Variants in VPS13D observed in about 807,000 individuals in gnomAD.
VPS13D encodes the protein vacuolar protein sorting 13 homolog D.
A neutral mutation model predicts 461.9 loss-of-function variants in VPS13D; 187 were observed. The observed-to-expected ratio is 0.40, with a 90% confidence interval of 0.36 to 0.46. The LOEUF (loss-of-function observed/expected upper bound fraction) is 0.46, where lower values mean the gene tolerates loss of function less well. Among genes scored for constraint, VPS13D ranks in the 20% least tolerant of loss-of-function variants. The pLI is 0.60. For missense variants in VPS13D, 4,711 were observed against 5,364.9 expected, an observed-to-expected ratio of 0.88 and a Z score of 3.81; for synonymous variants, 1,951 against 1,986.3, an observed-to-expected ratio of 0.98 and a Z score of 0.47.
At chr1:12,383,436 G>C (rs746864025) in intron 58 of VPS13D, among the ~76,000 whole-genome samples, 8 of 151,980 alleles carry the variant, frequency 5.3e-5, no homozygotes, top group Admixed American at 2.6e-4. Context: ...CATATTAATA[G>C]TGTTGTTAAT....
At chr1:12,249,385 A>G (rs1640662981) in intron 6 of VPS13D, 46 bp downstream of exon 6, 1 of 1,505,478 alleles carries the variant, frequency 6.6e-7, no homozygotes, top group African/African-American at 1.4e-5. Context: ...GCCATGCTCT[A>G]GGAATCTGGG....
intron 60 of VPS13D, among the ~76,000 whole-genome samples, chr1:12,390,414 A>G (rs957626109): frequency 6.6e-6 from 1 of 152,206 alleles, no homozygotes; most frequent in African/African-American, 2.4e-5. Context: ...GAACATGGTA[A>G]GACCAGTGAA....
At position 12,304,487 on chromosome 1, in the gene VPS13D, T is replaced by A; in HGVS notation, c.6217-19T>A. The A allele has an allele frequency of 6.2e-7, 1 of 1,601,092 alleles. No homozygotes were observed. Among genetic ancestry groups the A allele is most frequent in the Non-Finnish European group, 8.5e-7 (1 of 1,173,422 alleles). ...CCTTCCCATTTCCTGCATTCTAGTT[T>A]TATTTTGTTCCTTCCCAGGAATCTG... On this transcript the variant is annotated intron_variant, in intron 25 of 69. Transcript: ENST00000620676.
chr1:12,344,358 A>G (rs1371750616), intron 42 of VPS13D, among the ~76,000 whole-genome samples: 5 of 152,140 alleles, frequency 3.3e-5, no homozygotes, highest in African/African-American at 7.2e-5. Flanking sequence ...ACCCACACAC[A>G]TTATTCCCAA....
intron 60 of VPS13D, among the ~76,000 whole-genome samples, chr1:12,389,619 T>C (rs1644396604): frequency 6.6e-6 from 1 of 152,178 alleles, no homozygotes; most frequent in African/African-American, 2.4e-5. Context: ...GAAATACTCA[T>C]GACAATTGCA....
At chr1:12,445,045 T>C (rs977395804) in intron 65 of VPS13D, among the ~76,000 whole-genome samples, 2 of 152,204 alleles carry the variant, frequency 1.3e-5, no homozygotes, top group Non-Finnish European at 2.9e-5. Context: ...AGCCTGATGC[T>C]TAAAGGGAAG....
chr1:12,398,290 A>G (rs1174486838), intron 60 of VPS13D, among the ~76,000 whole-genome samples: 1 of 152,148 alleles, frequency 6.6e-6, no homozygotes, highest in African/African-American at 2.4e-5. Flanking sequence ...GGTGCCAGAA[A>G]TCTCTGCATT....
At chr1:12,349,598 A>G (rs149213391) in intron 46 of VPS13D, among the ~76,000 whole-genome samples, 1 of 152,330 alleles carries the variant, frequency 6.6e-6, no homozygotes, top group East Asian at 1.9e-4. Flanking sequence ...GCCAACACAC[A>G]TGCTATTTAC....
At chr1:12,435,280 CAA>C (rs779024605) in intron 65 of VPS13D, among the ~76,000 whole-genome samples, 3 of 125,722 alleles carry the variant, frequency 2.4e-5, no homozygotes, top group East Asian at 2.2e-4. Flanking sequence ...GCAACATGAC[CAA>C]AAAAAAAAAA....
chr1:12,388,168 A>C (rs966582836), intron 60 of VPS13D, among the ~76,000 whole-genome samples: 1 of 152,244 alleles, frequency 6.6e-6, no homozygotes, highest in Admixed American at 6.5e-5. Flanking sequence ...AATCTTATAC[A>C]TGATGTGGTA....
intron 36 of VPS13D, among the ~76,000 whole-genome samples, chr1:12,328,632 C>G (rs963059278): frequency 1.3e-5 from 2 of 152,150 alleles, no homozygotes; most frequent in Non-Finnish European, 2.9e-5. Context: ...TCTCTGCCTC[C>G]TGGGTTCAAG....
At chr1:12,230,473 G>A (rs1393903067) in intron 1 of VPS13D, among the ~76,000 whole-genome samples, 1 of 152,096 alleles carries the variant, frequency 6.6e-6, no homozygotes, top group African/African-American at 2.4e-5. Flanking sequence ...CACACTTTCC[G>A]GGGTCCCAGC....
At chr1:12,341,950 G>A in intron 41 of VPS13D, 65 bp downstream of exon 41, 1 of 1,474,744 alleles carries the variant, frequency 6.8e-7, no homozygotes, top group Non-Finnish European at 9.4e-7. Flanking sequence ...TGCCAGCCCA[G>A]TAGAGCAAGG....
chr1:12,333,432 T>G, intron 38 of VPS13D, 66 bp downstream of exon 38: 1 of 1,579,332 alleles, frequency 6.3e-7, no homozygotes, highest in Non-Finnish European at 8.6e-7. Flanking sequence ...TCTGGAAGAC[T>G]ATTAATCCTG....
chr1:12,503,603 T>G (rs192090362), intron 68 of VPS13D, among the ~76,000 whole-genome samples: 4 of 152,340 alleles, frequency 2.6e-5, no homozygotes, highest in African/African-American at 9.6e-5. Flanking sequence ...TGAGGTGACT[T>G]CTCTAGGTCT....
intron 67 of VPS13D, among the ~76,000 whole-genome samples, chr1:12,487,925 A>G (rs1437178536): frequency 1.3e-5 from 2 of 152,220 alleles, no homozygotes; most frequent in Non-Finnish European, 2.9e-5. Context: ...ATTAATTTCA[A>G]TTATGAGAAT....
chr1:12,376,148 T>C (rs1644195597), intron 55 of VPS13D, among the ~76,000 whole-genome samples: 1 of 152,238 alleles, frequency 6.6e-6, no homozygotes, highest in South Asian at 2.1e-4. Flanking sequence ...TTTCTGGTGC[T>C]GTGCAGAGAT....
chr1:12,235,152 C>T (rs1389771964), intron 2 of VPS13D, among the ~76,000 whole-genome samples: 1 of 152,186 alleles, frequency 6.6e-6, no homozygotes, highest in Non-Finnish European at 1.5e-5. Context: ...AAGGAGACTT[C>T]AAATACAGTG....
At chr1:12,267,495 C>T (rs1392987610) in intron 14 of VPS13D, among the ~76,000 whole-genome samples, 1 of 151,986 alleles carries the variant, frequency 6.6e-6, no homozygotes, top group Non-Finnish European at 1.5e-5. Flanking sequence ...GTAGTTAACC[C>T]CTTATTCTGT....
Sources: gnomAD v4.1 joint callset for allele counts (sites outside exome capture counted in the v4.1 genomes callset) on GRCh38, gnomAD v4.1.1 for gene constraint, MANE v1.5 for transcripts, NCBI Gene and HGNC (gene_info 2026-07-23, HGNC 2026-07-21) for gene names.